The following GPRC6A variants were observed in gnomAD, a reference collection of about 807,000 sequenced individuals.
GPRC6A encodes the protein G protein-coupled receptor class C group 6 member A, also known as G protein-coupled receptor family C group 6 member A.
In GPRC6A, 54 loss-of-function variants were observed where a neutral mutation model predicts 47.0. That is an observed-to-expected ratio of 1.15 (90% CI 0.92 to 1.44). The LOEUF is 1.44. Ranked by LOEUF, GPRC6A falls within the 40% of genes most tolerant of loss-of-function variation. The pLI, the probability that GPRC6A is intolerant of heterozygous loss-of-function variation, is 0.00. For missense variants in GPRC6A, 1,112 were observed against 1,105.5 expected (o/e 1.01, Z -0.08); for synonymous variants, 347 against 377.1 (o/e 0.92, Z 0.93).
intron 3 of GPRC6A, 40 bp downstream of exon 3, chr6:116,806,330 T>C (rs1333169692): frequency 1.6e-6 from 2 of 1,274,484 alleles, no homozygotes; most frequent in East Asian, 4.7e-5. Context: ...ATGGGGAAAA[T>C]GATGGTAGAA....
intron 2 of GPRC6A, among the ~76,000 whole-genome samples, chr6:116,808,072 T>C (rs755557239): frequency 6.6e-6 from 1 of 152,040 alleles, no homozygotes; most frequent in Non-Finnish European, 1.5e-5. Flanking sequence ...CCAGATAAAC[T>C]GTTAGAATCC....
At chr6:116,822,705 CTGT>C (rs1773534317) in intron 1 of GPRC6A, among the ~76,000 whole-genome samples, 1 of 116,422 alleles carries the variant, frequency 8.6e-6, no homozygotes, top group Non-Finnish European at 1.7e-5. Flanking sequence ...ACTCTGGGAA[CTGT>C]TGTGGGTTGG....
In GPRC6A at chr6:116,828,987, G is replaced by A. The variant is rs1299809793; in HGVS notation, c.27C>T (p.Thr9=). 6.8e-6 allele frequency: 11 copies of A among 1,612,128 alleles called. No homozygotes were observed. The highest frequency in any genetic ancestry group is 9.3e-6 in the Non-Finnish European group (11 of 1,178,888). Residue 9 remains threonine, a synonymous_variant, in exon 1 of 6, where the codon ACC becomes ACT. Transcript: ENST00000310357. Reference sequence around the variant, plus strand: ...AAGTAGCAAGAATAATCACAAAGCAGGTAATTAGTATAATTAAGAATGCCA... The same window carrying A: ...AAGTAGCAAGAATAATCACAAAGCAAGTAATTAGTATAATTAAGAATGCCA... MAFLIILI[T]CFVIILATSQ...
chr6:116,818,050 G>A (rs528184030), intron 1 of GPRC6A, among the ~76,000 whole-genome samples: 4 of 152,190 alleles, frequency 2.6e-5, no homozygotes, highest in East Asian at 3.9e-4. Context: ...GATACTCCTC[G>A]AGAAGAGCAA....
chr6:116,796,929 A>T (rs1182557852), intron 4 of GPRC6A, among the ~76,000 whole-genome samples: 1 of 152,110 alleles, frequency 6.6e-6, no homozygotes, highest in Admixed American at 6.6e-5. Flanking sequence ...CATGTGCACG[A>T]TGTGCAGGTT....
intron 3 of GPRC6A, among the ~76,000 whole-genome samples, chr6:116,803,320 T>A (rs566836866): frequency 9.2e-5 from 14 of 152,218 alleles, no homozygotes; most frequent in African/African-American, 3.4e-4. Context: ...CAGTCTTGTG[T>A]CCCTCTAATC....
intron 1 of GPRC6A, 110 bp downstream of exon 1, chr6:116,828,708 CAT>C: frequency 2.3e-6 from 2 of 878,462 alleles, no homozygotes; most frequent in South Asian, 2.4e-5. Context: ...CTTAAAAATA[CAT>C]ATGAGTTTAT....
Position 116,806,629 on chromosome 6 carries a change from A to G in GPRC6A, c.1076T>C (p.Met359Thr), listed in dbSNP as rs929377604. 26 of 1,613,344 alleles carry G rather than the reference A, an allele frequency of 1.6e-5. No homozygotes were observed. Among genetic ancestry groups the G allele is most frequent in the Non-Finnish European group, 2.2e-5 (26 of 1,179,570 alleles). Residue 359 changes from methionine to threonine, a missense_variant, in exon 3 of 6, where the codon ATG (methionine) becomes ACG (threonine). Met to Thr is a moderately conservative substitution (Grantham distance 81). Transcript: ENST00000310357. ...GACATATGCGCAGGCAGATAAATGCATGGCATATTCATGTAAGAGTTTGTG... is the reference window on the plus strand; with the variant it reads ...GACATATGCGCAGGCAGATAAATGCGTGGCATATTCATGTAAGAGTTTGTG... ...DSHKLLHEYA[M>T]HLSACAYVKD...
Position 116,813,232 on chromosome 6 carries a change from T to G in GPRC6A, c.195-3615A>C, listed in dbSNP as rs138264484. 4.0e-3 allele frequency among the ~76,000 whole-genome samples: 613 copies of G among 152,312 alleles called. 7 individuals carry two copies. The highest frequency in any genetic ancestry group is 0.02 in the Admixed American group (307 of 15,292). ...CATCCCCATCAAGCTACCAATGACT[T>G]TCTTCACAGAATTGGAAAAACTTAC... On this transcript the variant is annotated intron_variant, in intron 1 of 5. Transcript: ENST00000310357.
upstream of GPRC6A, chr6:116,829,123 G>C: frequency 7.0e-6 from 9 of 1,285,822 alleles, no homozygotes; most frequent in South Asian, 4.9e-5. Flanking sequence ...GTATAGGACA[G>C]TGTCAAAGGC....
Position 116,829,072 on chromosome 6 carries a change from T to C in GPRC6A, c.-59A>G. 1 of 1,539,600 alleles carries C rather than the reference T, an allele frequency of 6.5e-7. No individual in the cohort carries two copies. Among genetic ancestry groups the C allele is most frequent in the Non-Finnish European group, 8.7e-7 (1 of 1,144,908 alleles). On this transcript the variant is annotated 5_prime_UTR_variant, in exon 1 of 6. Transcript: ENST00000310357. ...CTTAGGAATCATTAAGTGCACGGAG[T>C]GCCAGCAAGATTCCTATTTCACCTG... is the stretch of plus-strand genomic sequence containing the variant.
At chr6:116,820,105 T>G (rs1453957586) in intron 1 of GPRC6A, among the ~76,000 whole-genome samples, 2 of 149,396 alleles carry the variant, frequency 1.3e-5, no homozygotes, top group Non-Finnish European at 3.0e-5. Context: ...CTAGAAAATC[T>G]AGAAGAAATG....
At chr6:116,796,552 T>C (rs1772493825) in intron 4 of GPRC6A, among the ~76,000 whole-genome samples, 2 of 152,192 alleles carry the variant, frequency 1.3e-5, no homozygotes, top group South Asian at 4.1e-4. Flanking sequence ...AAATCTGCTT[T>C]GTCATGTCAC....
chr6:116,816,037 G>A (rs540783738), intron 1 of GPRC6A, among the ~76,000 whole-genome samples: 4 of 152,338 alleles, frequency 2.6e-5, no homozygotes, highest in Admixed American at 2.6e-4. Context: ...CACATAGCCA[G>A]AGCAAAAGGA....
At chr6:116,801,125 T>C (rs1488431930) in intron 3 of GPRC6A, among the ~76,000 whole-genome samples, 1 of 152,200 alleles carries the variant, frequency 6.6e-6, no homozygotes. Flanking sequence ...CTAACTCTGG[T>C]TCCATCTCTC....
intron 1 of GPRC6A, among the ~76,000 whole-genome samples, chr6:116,810,652 T>C (rs1000701545): frequency 6.6e-6 from 1 of 151,714 alleles, no homozygotes; most frequent in Non-Finnish European, 1.5e-5. Flanking sequence ...AATATTCAAA[T>C]AGCTTAATTT....
chr6:116,828,267 A>T (rs1459638802), intron 1 of GPRC6A, among the ~76,000 whole-genome samples: 1 of 152,130 alleles, frequency 6.6e-6, no homozygotes, highest in Non-Finnish European at 1.5e-5. Flanking sequence ...TGTCTTTCTC[A>T]TAGGTAAGCT....
In GPRC6A at chr6:116,792,629, A is replaced by T; in HGVS notation, c.2294T>A (p.Ile765Asn). 1 of 1,613,482 alleles carries T rather than the reference A, an allele frequency of 6.2e-7. No individual in the cohort carries two copies. The highest frequency in any genetic ancestry group is 1.1e-5 in the South Asian group (1 of 91,026). Residue 765 changes from isoleucine to asparagine, a missense_variant, in exon 6 of 6, where the codon ATT becomes AAT. Coordinates refer to ENST00000310357, the MANE Select transcript of GPRC6A (RefSeq NM_148963.4). ...GCCTTTGAAAGCAAATATGAAGCAA[A>T]TGAAGGCCAGGATGGCAATGTAGCC... ...MLGYIAILAF[I>N]CFIFAFKGKY...
chr6:116,809,350 A>T lies in GPRC6A; in HGVS notation c.462T>A (p.Ala154=). The change falls in exon 2 of 6, where the codon GCT becomes GCA. Residue 154 remains alanine, a synonymous_variant. Coordinates refer to ENST00000310357, the MANE Select transcript of GPRC6A (RefSeq NM_148963.4). Reference sequence around the variant, plus strand: ...GCTGTAAATTCAACATCCTGGAGACAGCCATAGTTATTTCTGAGTACCCAG... The same window carrying T: ...GCTGTAAATTCAACATCCTGGAGACTGCCATAGTTATTTCTGAGTACCCAG... ...IGSGYSEITM[A]VSRMLNLQLM... is the part of the protein sequence containing the mutation. The T allele has an allele frequency of 6.2e-7, 1 of 1,613,634 alleles. No homozygotes were observed. Among genetic ancestry groups the T allele is most frequent in the Middle Eastern group, 1.7e-4 (1 of 6,058 alleles).
Sources: allele counts gnomAD v4.1 joint callset (sites outside exome capture counted in the v4.1 genomes callset), GRCh38; gene constraint gnomAD v4.1.1; transcripts MANE v1.5; gene names NCBI Gene and HGNC (gene_info 2026-07-23, HGNC 2026-07-21).